The following ZC3H14 variants were observed in gnomAD, a reference collection of about 807,000 sequenced individuals.
ZC3H14 encodes zinc finger CCCH-type containing 14.
A neutral mutation model predicts 92.4 loss-of-function variants in ZC3H14; 31 were observed. The ratio of observed to expected loss-of-function variants is 0.34; its 90% CI spans 0.25 to 0.45. The LOEUF (loss-of-function observed/expected upper bound fraction) is 0.45, where lower values mean the gene tolerates loss of function less well. Ranked by LOEUF, ZC3H14 falls within the 20% of genes least tolerant of loss-of-function variation. The probability of loss-of-function intolerance (pLI) is 1.00; values close to 1 mark genes in which losing one functional copy is unlikely to be tolerated. For synonymous variants in ZC3H14, 321 were observed against 300.9 expected, an observed-to-expected ratio of 1.07 and a Z score of -0.69; for missense variants, 781 against 897.3, an observed-to-expected ratio of 0.87 and a Z score of 1.66.
chr14:88,563,334 A>T, intron 1 of ZC3H14, 165 bp downstream of exon 1: 1 of 1,488,112 alleles, frequency 6.7e-7, no homozygotes, highest in South Asian at 1.3e-5. Context: ...GGCCCTGGGG[A>T]CATTTGCGGC....
chr14:88,607,847 G>C (rs2085769861), intron 13 of ZC3H14, among the ~76,000 whole-genome samples: 1 of 82,334 alleles, frequency 1.2e-5, no homozygotes, highest in South Asian at 4.5e-4. Flanking sequence ...ACCTCAGCCT[G>C]CAAGTACCAT....
chr14:88,568,783 A>G lies in ZC3H14; in HGVS notation c.194+630A>G, dbSNP rs990647297. On this transcript the variant is annotated intron_variant, in intron 3 of 16. Transcript: ENST00000251038. ...TTTATAAAATTATTATTGAGGATCA[A>G]ATGGGCTAATATGTGTAAAGTACTT... 5.9e-5 allele frequency among the ~76,000 whole-genome samples: 9 copies of G among 152,228 alleles called. No individual in the cohort carries two copies. The East Asian group carries it at 1.5e-3, about 26-fold the overall frequency.
At chr14:88,598,762 A>C (rs1388959407) in intron 10 of ZC3H14, among the ~76,000 whole-genome samples, 2 of 152,154 alleles carry the variant, frequency 1.3e-5, no homozygotes, top group African/African-American at 4.8e-5. Context: ...TTCAGTGTAG[A>C]GGTCGGGATT....
Position 88,615,813 on chromosome 14 carries a change from ATC to A in ZC3H14, c.*4067_*4068del, listed in dbSNP as rs1488072925. ...AGTTAATTTCTGTAGTCATCTCAGC[ATC>A]TCTCAGTGAGGTGTATGTACACATT... On this transcript the variant is annotated 3_prime_UTR_variant, in exon 17 of 17. Transcript: ENST00000251038. 3.1e-6 allele frequency: 5 copies of A among 1,610,938 alleles called. No homozygotes were observed. The East Asian group carries it at 6.7e-5, about 22-fold the overall frequency.
rs2089475809 is a variant in ZC3H14 at position 88,623,764 on chromosome 14, G to A, written c.*12013G>A. On this transcript the variant is annotated 3_prime_UTR_variant, in exon 17 of 17. Coordinates refer to ENST00000251038, the MANE Select transcript of ZC3H14 (RefSeq NM_024824.5). ...GAAGCATATTTATTCCCTATCAGGT[G>A]TTAAAATATCTCACTGGAACAGTTT... 2 of 152,226 alleles carry A rather than the reference G, an allele frequency of 1.3e-5. No homozygotes were observed. The highest frequency in any genetic ancestry group is 1.3e-4 in the Admixed American group (2 of 15,288). The allele number at this position is 152,226 out of a possible 1,614,324, so 9.4% of individuals were successfully genotyped here.
chr14:88,587,369 A>T (rs11159861), intron 9 of ZC3H14, among the ~76,000 whole-genome samples: 93,503 of 151,844 alleles, frequency 0.62, 30,537 homozygotes, highest in Non-Finnish European at 0.74. Context: ...TCTCACCATC[A>T]TGCCCAGGCT....
intron 9 of ZC3H14, among the ~76,000 whole-genome samples, chr14:88,595,595 G>C (rs2083703529): frequency 6.6e-6 from 1 of 152,066 alleles, no homozygotes. Context: ...TTTTTTTATG[G>C]TAATAATTCT....
At chr14:88,586,921 C>T (rs550734022) in intron 9 of ZC3H14, among the ~76,000 whole-genome samples, 9 of 152,032 alleles carry the variant, frequency 5.9e-5, no homozygotes, top group African/African-American at 1.4e-4. Flanking sequence ...TTTCTTTCTC[C>T]GTGTTGTAAT....
At chr14:88,605,421 T>A (rs2085239330) in intron 12 of ZC3H14, among the ~76,000 whole-genome samples, 1 of 152,096 alleles carries the variant, frequency 6.6e-6, no homozygotes, top group Non-Finnish European at 1.5e-5. Flanking sequence ...AGCCTCCACC[T>A]CCCAGGCTCA....
chr14:88,572,101 A>G lies in ZC3H14; in HGVS notation c.307A>G (p.Ser103Gly). The G allele has an allele frequency of 6.2e-7, 1 of 1,614,190 alleles. No homozygotes were observed. The highest frequency in any genetic ancestry group is 1.1e-5 in the South Asian group (1 of 91,088). Reference protein sequence around the residue: ...SNVPSNKSNFSRGDERRHEAA... With the variant: ...SNVPSNKSNFGRGDERRHEAA... ...CGTGCCTTCAAACAAGAGCAATTTC[A>G]GTCGGGGAGATGAGAGGAGGCATGA... The change falls in exon 5 of 17, where the codon AGT (serine) becomes GGT (glycine). Residue 103 changes from serine (S) to glycine (G), a missense_variant. This residue lies in a region of ZC3H14 where 106 missense variants were observed against 154.2 expected (regional missense o/e 0.69). Coordinates refer to ENST00000251038, the MANE Select transcript of ZC3H14 (RefSeq NM_024824.5).
rs1186066113 is a variant in ZC3H14, at chr14:88,626,239, C to G, written c.*14488C>G. ...AAATTTTTAGGACTATGAAGAACTACTAGGAAGACAGAAATTTTAGGATAT... is the reference window on the plus strand; with the variant it reads ...AAATTTTTAGGACTATGAAGAACTAGTAGGAAGACAGAAATTTTAGGATAT... On this transcript the variant is annotated 3_prime_UTR_variant, in exon 17 of 17. Transcript: ENST00000251038. 1.3e-5 allele frequency: 2 copies of G among 152,296 alleles called. No individual in the cohort carries two copies. The highest frequency in any genetic ancestry group is 4.8e-5 in the African/African-American group (2 of 41,408). The allele number at this position is 152,296 out of a possible 1,614,324, so 9.4% of individuals were successfully genotyped here.
chr14:88,607,133 G>A lies in ZC3H14; in HGVS notation c.1748-110G>A, dbSNP rs2085536495. ...TTGAGCTCACTTATTTTATATGACT[G>A]TACATTTAACAGAAGATTCTAAGAC... On this transcript the variant is annotated intron_variant, in intron 12 of 16. Transcript: ENST00000251038. 8 of 1,523,474 alleles carry A rather than the reference G, an allele frequency of 5.3e-6. No homozygotes were observed. In the East Asian group the frequency reaches 1.4e-4, roughly 27 times the overall value. 94.4% of individuals were successfully genotyped at this position (1,523,474 alleles called of 1,614,324 possible). A position where few individuals can be genotyped will look rare whatever the true frequency, so the allele number is the denominator to read the frequency against.
intron 6 of ZC3H14, 26 bp from the exon 7 acceptor site, chr14:88,574,667 T>TA: frequency 6.2e-7 from 1 of 1,613,824 alleles, no homozygotes; most frequent in Non-Finnish European, 8.5e-7. Context: ...TGAGATTAGG[T>TA]AAGCATAAAT....
chr14:88,618,803 C>A lies in ZC3H14; in HGVS notation c.*7052C>A, dbSNP rs750647201. The A allele has an allele frequency of 5.7e-6, 9 of 1,582,912 alleles. No homozygotes were observed. The highest frequency in any genetic ancestry group is 6.9e-6 in the Non-Finnish European group (8 of 1,163,462). On this transcript the variant is annotated 3_prime_UTR_variant, in exon 17 of 17. Transcript: ENST00000251038. ...AACCTACTGCCAGATACCGGGAATC[C>A]GGACTAAATCTGAATCAAAACAAAA...
intron 1 of ZC3H14, 180 bp from the exon 2 acceptor site, chr14:88,563,471 C>CT: frequency 1.4e-6 from 2 of 1,465,074 alleles, no homozygotes; most frequent in South Asian, 2.8e-5. Flanking sequence ...CGCCGCGGGG[C>CT]TGGGGCTGGA....
At position 88,602,835 on chromosome 14, in the gene ZC3H14, G is replaced by A. The variant is rs535112396; in HGVS notation, c.1522G>A (p.Val508Ile). 5 of 1,614,046 alleles carry A rather than the reference G, an allele frequency of 3.1e-6. No homozygotes were observed. Among genetic ancestry groups the A allele is most frequent in the Admixed American group, 1.7e-5 (1 of 60,022 alleles). Residue 508 changes from valine to isoleucine, a missense_variant, in exon 12 of 17, where the codon GTA (valine) becomes ATA (isoleucine). By Grantham distance (29) the Val-to-Ile change is conservative. Coordinates refer to ENST00000251038, the MANE Select transcript of ZC3H14 (RefSeq NM_024824.5). ...SGHLMQTRDL[V>I]QPDKPASPKF... The stretch of plus-strand genomic sequence containing the variant: ...TTTTTATCTGTCTGGCAGAGATCTT[G>A]TACAACCAGATAAACCTGCAAGTCC...
Position 88,563,126 on chromosome 14 carries a change from G to C in ZC3H14, c.-8G>C. On this transcript the variant is annotated 5_prime_UTR_variant, in exon 1 of 17. Transcript: ENST00000251038. ...GCGCAGTGCTGAGTTCCCGCACGCC[G>C]CAGAGCCATGGAGATCGGCACCGAG... The C allele has an allele frequency of 1.3e-6, 2 of 1,592,124 alleles. No individual in the cohort carries two copies. The highest frequency in any genetic ancestry group is 8.5e-7 in the Non-Finnish European group (1 of 1,173,166).
chr14:88,573,911 C>G lies in ZC3H14; in HGVS notation c.862-782C>G, dbSNP rs190450383. ...GGATTACAGGCATGTACCATGGCGC[C>G]TGGCCCCAAGTTTATTTTTAAATTG... On this transcript the variant is annotated intron_variant, in intron 6 of 16. Transcript: ENST00000251038. Among the ~76,000 whole-genome samples the G allele has an allele frequency of 6.1e-3, 922 of 152,322 alleles. 9 individuals carry two copies. Among genetic ancestry groups the G allele is most frequent in the African/African-American group, 0.022 (895 of 41,568 alleles).
rs528504044 is a variant in ZC3H14 at position 88,611,590 on chromosome 14, C to T, written c.2205-155C>T. Among the ~76,000 whole-genome samples the T allele has an allele frequency of 3.2e-4, 48 of 152,254 alleles. 1 individual carries two copies. The highest frequency in any genetic ancestry group is 1.2e-3 in the African/African-American group (48 of 41,562). On this transcript the variant is annotated intron_variant, in intron 16 of 16. Transcript: ENST00000251038. ...ATGGTATTATCTTTTATCTACCTGA[C>T]ATAATTGAATTATTTTTAAAAATCT...
Sources: allele counts gnomAD v4.1 joint callset (sites outside exome capture counted in the v4.1 genomes callset), GRCh38; gene constraint gnomAD v4.1.1; regional missense constraint gnomAD v4.1.1; transcripts MANE v1.5; gene names NCBI Gene and HGNC (gene_info 2026-07-23, HGNC 2026-07-21).